The following MEGF11 variants were observed in gnomAD, a reference collection of about 807,000 sequenced individuals.
The protein encoded by MEGF11 is multiple EGF like domains 11.
In MEGF11, 126 loss-of-function variants were observed where a neutral mutation model predicts 146.6. The observed-to-expected ratio is 0.86, with a 90% CI of 0.74 to 1.00. The LOEUF is 1.00. Among genes scored for constraint, MEGF11 ranks in the 50% least tolerant of loss-of-function variants. The pLI is 0.00. For synonymous variants in MEGF11, 532 were observed against 583.4 expected, an observed-to-expected ratio of 0.91 and a Z score of 1.27; for missense variants, 1,509 against 1,521.2, an observed-to-expected ratio of 0.99 and a Z score of 0.13.
Position 66,049,377 on chromosome 15 carries a change from T to C in MEGF11, c.394+45025A>G, listed in dbSNP as rs554646381. ...GTGACAAAGGAGAAAGGCTGGTGTG[T>C]TCATAGTTCTAATTTACTGATAGCA... is the stretch of plus-strand genomic sequence containing the variant. On this transcript the variant is annotated intron_variant, in intron 5 of 25. Transcript: ENST00000395614. 3.3e-5 allele frequency among the ~76,000 whole-genome samples: 5 copies of C among 152,264 alleles called. No individual in the cohort carries two copies. The South Asian group carries it at 1.0e-3, about 32-fold the overall frequency.
At chr15:66,111,888 C>G (rs1430361967) in intron 4 of MEGF11, among the ~76,000 whole-genome samples, 1 of 152,006 alleles carries the variant, frequency 6.6e-6, no homozygotes, top group Non-Finnish European at 1.5e-5. Context: ...AAATTCACAT[C>G]AATTAAGAGA....
At chr15:65,953,904 G>A (rs1040224832) in intron 10 of MEGF11, among the ~76,000 whole-genome samples, 57 of 152,208 alleles carry the variant, frequency 3.7e-4, no homozygotes, top group African/African-American at 1.3e-3. Context: ...TGTTGAGCCC[G>A]AGACCATTCT....
chr15:66,121,166 G>A (rs886744570), intron 3 of MEGF11, among the ~76,000 whole-genome samples: 5 of 152,184 alleles, frequency 3.3e-5, no homozygotes, highest in Admixed American at 3.3e-4. Context: ...CACCTCAGTG[G>A]TGATGGATGG....
chr15:66,225,000 G>C (rs1177048580), intron 1 of MEGF11, among the ~76,000 whole-genome samples: 1 of 152,188 alleles, frequency 6.6e-6, no homozygotes, highest in Non-Finnish European at 1.5e-5. Flanking sequence ...GAAGGGTCTT[G>C]CTGGAGAATA....
intron 8 of MEGF11, among the ~76,000 whole-genome samples, chr15:65,965,584 C>CTTTTTTTTTTTTTTTTTTTTTT: frequency 8.2e-5 from 1 of 12,156 alleles, no homozygotes. Context: ...TTCTTTCTTT[C>CTTTTTTTTTTTTTTTTTTTTTT]TTTCTTTCTT....
At chr15:65,955,676 G>A (rs1259960635) in intron 10 of MEGF11, among the ~76,000 whole-genome samples, 7 of 138,286 alleles carry the variant, frequency 5.1e-5, no homozygotes, top group Admixed American at 3.8e-4. Context: ...CCCAGGAGGC[G>A]GAGGTTGCAA....
At chr15:66,159,204 G>C (rs978949030) in intron 1 of MEGF11, among the ~76,000 whole-genome samples, 1 of 152,204 alleles carries the variant, frequency 6.6e-6, no homozygotes, top group Non-Finnish European at 1.5e-5. Flanking sequence ...GAGGCTCAGG[G>C]AGTTTAAGAA....
chr15:65,904,402 G>C (rs1280267508), intron 24 of MEGF11, among the ~76,000 whole-genome samples: 1 of 152,196 alleles, frequency 6.6e-6, no homozygotes. Flanking sequence ...TTCCAAGGGA[G>C]TAATGTCTGT....
intron 1 of MEGF11, among the ~76,000 whole-genome samples, chr15:66,149,533 C>T (rs1211052539): frequency 1.3e-5 from 2 of 152,098 alleles, no homozygotes; most frequent in Middle Eastern, 3.2e-3. Flanking sequence ...TGTCACACCC[C>T]CCTCCACCTC....
chr15:65,974,709 G>A (rs550426414), intron 7 of MEGF11, among the ~76,000 whole-genome samples: 1 of 152,154 alleles, frequency 6.6e-6, no homozygotes, highest in South Asian at 2.1e-4. Context: ...GGAGGTGTGG[G>A]GGTACTCCAG....
At chr15:66,078,446 C>T (rs2085687497) in intron 5 of MEGF11, among the ~76,000 whole-genome samples, 1 of 152,228 alleles carries the variant, frequency 6.6e-6, no homozygotes, top group African/African-American at 2.4e-5. Flanking sequence ...TATGGGGCTG[C>T]GTCAGGAGGA....
chr15:66,190,649 T>C (rs1325872715), intron 1 of MEGF11, among the ~76,000 whole-genome samples: 2 of 152,144 alleles, frequency 1.3e-5, no homozygotes, highest in African/African-American at 4.8e-5. Context: ...CTTGCCCACC[T>C]GAGACCTCCA....
At chr15:66,251,214 A>C (rs566942054) in intron 1 of MEGF11, among the ~76,000 whole-genome samples, 8 of 152,316 alleles carry the variant, frequency 5.3e-5, no homozygotes, top group African/African-American at 1.9e-4. Context: ...CAGCCGCTTA[A>C]CCAGCTTTCC....
chr15:66,233,573 G>A (rs1201298515), intron 1 of MEGF11, among the ~76,000 whole-genome samples: 1 of 152,114 alleles, frequency 6.6e-6, no homozygotes, highest in Non-Finnish European at 1.5e-5. Context: ...TTTACAGATG[G>A]GGAAACTAAG....
intron 5 of MEGF11, among the ~76,000 whole-genome samples, chr15:66,067,294 C>T (rs1407602120): frequency 6.6e-6 from 1 of 152,214 alleles, no homozygotes; most frequent in Non-Finnish European, 1.5e-5. Context: ...TTATTACCCA[C>T]ACGGTGGTCA....
At chr15:66,216,193 G>A (rs1014542667) in intron 1 of MEGF11, among the ~76,000 whole-genome samples, 2 of 152,236 alleles carry the variant, frequency 1.3e-5, no homozygotes, top group Non-Finnish European at 1.5e-5. Context: ...TGAGGCAAAG[G>A]TGATAGCTCA....
At chr15:66,075,312 TCTATGGAGA>T (rs1471677728) in intron 5 of MEGF11, among the ~76,000 whole-genome samples, 1 of 152,234 alleles carries the variant, frequency 6.6e-6, no homozygotes, top group Non-Finnish European at 1.5e-5. Context: ...CAGCAAGGGC[TCTATGGAGA>T]CTTAATGACA....
At chr15:66,015,915 G>A (rs28731149) in intron 5 of MEGF11, among the ~76,000 whole-genome samples, 2,089 of 105,742 alleles carry the variant, frequency 0.02, 50 homozygotes, top group African/African-American at 0.067. Context: ...GTTGGGTGGG[G>A]TTCAGTGGGG....
At chr15:65,960,082 A>G (rs886565474) in intron 9 of MEGF11, among the ~76,000 whole-genome samples, 2 of 151,078 alleles carry the variant, frequency 1.3e-5, no homozygotes, top group African/African-American at 4.8e-5. Flanking sequence ...CTATCAATCA[A>G]TGCTGCATCT....
Sources: gnomAD v4.1 joint callset for allele counts (sites outside exome capture counted in the v4.1 genomes callset) on GRCh38, gnomAD v4.1.1 for gene constraint, MANE v1.5 for transcripts, NCBI Gene and HGNC (gene_info 2026-07-23, HGNC 2026-07-21) for gene names.